Variants in MAN1A2 observed in about 807,000 individuals in gnomAD.
MAN1A2 encodes mannosyl-oligosaccharide 1,2-alpha-mannosidase IB.
A neutral mutation model predicts 75.7 loss-of-function variants in MAN1A2; 26 were observed. That is an observed-to-expected ratio of 0.34 (90% CI 0.25 to 0.48). The LOEUF is 0.48. Among genes scored for constraint, MAN1A2 ranks in the 20% least tolerant of loss-of-function variants. The probability of loss-of-function intolerance (pLI) is 0.99; values close to 1 mark genes in which losing one functional copy is unlikely to be tolerated. For synonymous variants in MAN1A2, 247 were observed against 264.6 expected (o/e 0.93, Z 0.65); for missense variants, 562 against 775.5 (o/e 0.72, Z 3.27).
chr1:117,440,885 A>G (rs1430000458), intron 5 of MAN1A2, among the ~76,000 whole-genome samples: 1 of 149,882 alleles, frequency 6.7e-6, no homozygotes, highest in South Asian at 2.1e-4. Context: ...TTTGCTCTAT[A>G]AGGTAACTTG....
At chr1:117,428,711 G>A (rs1364092898) in intron 5 of MAN1A2, among the ~76,000 whole-genome samples, 1 of 150,572 alleles carries the variant, frequency 6.6e-6, no homozygotes. Context: ...GTGTAGAAAG[G>A]TTTAAATGAC....
chr1:117,380,481 A>G (rs1199787505), intron 1 of MAN1A2, among the ~76,000 whole-genome samples: 1 of 152,060 alleles, frequency 6.6e-6, no homozygotes, highest in African/African-American at 2.4e-5. Flanking sequence ...AAGATTTTTT[A>G]AAAAAGAGTT....
intron 3 of MAN1A2, among the ~76,000 whole-genome samples, chr1:117,409,264 C>G (rs576541780): frequency 3.3e-5 from 5 of 152,162 alleles, no homozygotes; most frequent in Non-Finnish European, 7.4e-5. Flanking sequence ...TTACTGTAAA[C>G]TTTCTAACTA....
chr1:117,466,152 A>G (rs1484870947), intron 7 of MAN1A2, among the ~76,000 whole-genome samples, 182 bp from the exon 8 acceptor site: 1 of 152,118 alleles, frequency 6.6e-6, no homozygotes, highest in Non-Finnish European at 1.5e-5. Flanking sequence ...ATATCATCTT[A>G]TAAAAATGAG....
chr1:117,523,124 T>G lies in MAN1A2; in HGVS notation c.*167T>G. ...ACTTGTAGATACATCAACTTTGAAA[T>G]TATTCCATTTTATACCTGACCAAAA... On this transcript the variant is annotated 3_prime_UTR_variant, in exon 13 of 13. Coordinates refer to ENST00000356554, the MANE Select transcript of MAN1A2 (RefSeq NM_006699.5). 1.3e-6 allele frequency: 1 copy of G among 742,478 alleles called. No homozygotes were observed. Among genetic ancestry groups the G allele is most frequent in the South Asian group, 1.6e-5 (1 of 63,392 alleles). 46.0% of individuals were successfully genotyped at this position (742,478 alleles called of 1,614,324 possible).
At chr1:117,426,368 G>C (rs1648373213) in intron 5 of MAN1A2, among the ~76,000 whole-genome samples, 1 of 151,780 alleles carries the variant, frequency 6.6e-6, no homozygotes, top group African/African-American at 2.4e-5. Context: ...AAGCTGCTGG[G>C]GTCTGTGGGT....
chr1:117,445,868 G>GTATA (rs1256464203), intron 6 of MAN1A2, among the ~76,000 whole-genome samples: 42 of 94,168 alleles, frequency 4.5e-4, no homozygotes, highest in East Asian at 2.2e-3. Flanking sequence ...GTATGTGTGT[G>GTATA]TGTGTCTGTG....
intron 5 of MAN1A2, among the ~76,000 whole-genome samples, chr1:117,423,552 A>G (rs1648263796): frequency 6.6e-6 from 1 of 152,018 alleles, no homozygotes; most frequent in Non-Finnish European, 1.5e-5. Flanking sequence ...TAGCATACAG[A>G]TCTTGTATGT....
intron 4 of MAN1A2, 88 bp downstream of exon 4, chr1:117,414,919 C>CTTTA: frequency 1.3e-6 from 1 of 791,936 alleles, no homozygotes; most frequent in Non-Finnish European, 2.1e-6. Context: ...TTGTGCCTTC[C>CTTTA]TAAAATTCAT....
chr1:117,426,483 T>C (rs142156736), intron 5 of MAN1A2, among the ~76,000 whole-genome samples: 87 of 152,266 alleles, frequency 5.7e-4, no homozygotes, highest in African/African-American at 2.0e-3. Context: ...CCATTGCAAA[T>C]TGAAAACATC....
At chr1:117,376,366 A>C (rs1653145656) in intron 1 of MAN1A2, among the ~76,000 whole-genome samples, 1 of 152,232 alleles carries the variant, frequency 6.6e-6, no homozygotes, top group Non-Finnish European at 1.5e-5. Flanking sequence ...TAACCATGTC[A>C]TGTGAGGCGC....
At chr1:117,388,153 T>C (rs1653601452) in intron 1 of MAN1A2, among the ~76,000 whole-genome samples, 1 of 150,396 alleles carries the variant, frequency 6.6e-6, no homozygotes, top group Non-Finnish European at 1.5e-5. Context: ...AAGTTGTCAG[T>C]TTGGAGAGGC....
chr1:117,407,526 A>G (rs978717750), intron 3 of MAN1A2, among the ~76,000 whole-genome samples: 1 of 152,114 alleles, frequency 6.6e-6, no homozygotes, highest in African/African-American at 2.4e-5. Context: ...TTTGCTTGCA[A>G]TATTCTAGAT....
At chr1:117,463,057 A>G (rs1374666886) in intron 7 of MAN1A2, among the ~76,000 whole-genome samples, 1 of 151,886 alleles carries the variant, frequency 6.6e-6, no homozygotes, top group Non-Finnish European at 1.5e-5. Flanking sequence ...ACTAGATGAC[A>G]TAATTTTCCC....
At chr1:117,429,239 T>C (rs2101792797) in intron 5 of MAN1A2, among the ~76,000 whole-genome samples, 1 of 143,792 alleles carries the variant, frequency 7.0e-6, no homozygotes, top group Non-Finnish European at 1.5e-5. Flanking sequence ...GATTTCTCAA[T>C]CTTTTCCCCA....
Position 117,445,578 on chromosome 1 carries a change from G to A in MAN1A2, c.950+3253G>A, listed in dbSNP as rs1649194589. Among the ~76,000 whole-genome samples, 5 of 151,776 alleles carry A rather than the reference G, an allele frequency of 3.3e-5. No homozygotes were observed. In the South Asian group the frequency reaches 1.0e-3, roughly 31 times the overall value. On this transcript the variant is annotated intron_variant, in intron 6 of 12. Coordinates refer to ENST00000356554, the MANE Select transcript of MAN1A2 (RefSeq NM_006699.5). ...GTCTTGCGCTTTTGTATCGACTGGA[G>A]TACAATGGCACAATCACAGCTCACT...
intron 6 of MAN1A2, among the ~76,000 whole-genome samples, chr1:117,443,946 C>T (rs951222052): frequency 1.3e-4 from 19 of 151,432 alleles, no homozygotes; most frequent in South Asian, 2.1e-4. Flanking sequence ...CTGGGGTCTA[C>T]GCATTTCCCA....
In MAN1A2 at chr1:117,466,522, A is replaced by G. The variant is rs528418964; in HGVS notation, c.1168+95A>G. The G allele has an allele frequency of 7.5e-5, 56 of 742,788 alleles. 1 individual carries two copies. The South Asian group carries it at 9.2e-4, about 12-fold the overall frequency. 46.0% of individuals were successfully genotyped at this position (742,788 alleles called of 1,614,324 possible). ...TAAAAAGTACACTACGTGGAGTTAG[A>G]AACCCTCAGTGTCTAACCTTGTGGT... On this transcript the variant is annotated intron_variant, in intron 8 of 12. Transcript: ENST00000356554.
At chr1:117,444,869 G>A (rs1649166872) in intron 6 of MAN1A2, among the ~76,000 whole-genome samples, 1 of 151,954 alleles carries the variant, frequency 6.6e-6, no homozygotes, top group South Asian at 2.1e-4. Context: ...TTAGTTTACA[G>A]TCTTGGTTAA....
Sources: allele counts gnomAD v4.1 joint callset (sites outside exome capture counted in the v4.1 genomes callset), GRCh38; gene constraint gnomAD v4.1.1; transcripts MANE v1.5; gene names NCBI Gene and HGNC (gene_info 2026-07-23, HGNC 2026-07-21).